The following BAZ2B variants were observed in gnomAD, a reference collection of about 807,000 sequenced individuals.
BAZ2B encodes bromodomain adjacent to zinc finger domain 2B.
BAZ2B carries 91 observed loss-of-function variants against 246.0 expected under a neutral mutation model. That is an observed-to-expected ratio of 0.37 (90% CI 0.31 to 0.44). BAZ2B has a LOEUF of 0.44. BAZ2B is among the 20% of genes least tolerant of loss of function. The probability of loss-of-function intolerance (pLI) is 1.00; values close to 1 mark genes in which losing one functional copy is unlikely to be tolerated. For synonymous variants in BAZ2B, 855 were observed against 860.0 expected, an observed-to-expected ratio of 0.99 and a Z score of 0.10; for missense variants, 2,332 against 2,533.7, an observed-to-expected ratio of 0.92 and a Z score of 1.71.
chr2:159,400,767 G>A (rs531178163), intron 16 of BAZ2B, 103 bp from the exon 17 acceptor site: 29 of 666,964 alleles, frequency 4.3e-5, no homozygotes, highest in South Asian at 1.8e-4. Flanking sequence ...CAGGTCAGGC[G>A]CAGTGGCTCA....
chr2:159,466,643 CTAATT>C (rs1249016272), intron 3 of BAZ2B, among the ~76,000 whole-genome samples: 1 of 152,100 alleles, frequency 6.6e-6, no homozygotes. Context: ...ACAGGATACA[CTAATT>C]TATTATATAT....
chr2:159,635,929 T>G, the BAZ2B span, among the ~76,000 whole-genome samples: 4 of 152,088 alleles, frequency 2.6e-5, no homozygotes, highest in Non-Finnish European at 4.4e-5. Flanking sequence ...TGGTAGCACA[T>G]GCCTGCAGTC....
intron 3 of BAZ2B, chr2:159,462,815 G>GT: frequency 6.6e-7 from 1 of 1,507,564 alleles, no homozygotes; most frequent in Non-Finnish European, 9.2e-7. Flanking sequence ...CCCATCGATA[G>GT]TTTTTAGCAT....
At chr2:159,417,288 A>G (rs1361868158) in intron 13 of BAZ2B, among the ~76,000 whole-genome samples, 2 of 151,180 alleles carry the variant, frequency 1.3e-5, no homozygotes, top group African/African-American at 4.9e-5. Flanking sequence ...CTCCTGCCTC[A>G]GCCTCCCAAG....
chr2:159,347,128 G>A (rs187501502), intron 31 of BAZ2B, among the ~76,000 whole-genome samples: 13 of 152,260 alleles, frequency 8.5e-5, no homozygotes, highest in Admixed American at 3.3e-4. Flanking sequence ...ATTTGTACTA[G>A]ATCATCACAT....
intron 16 of BAZ2B, among the ~76,000 whole-genome samples, chr2:159,401,632 T>C (rs1289879730): frequency 1.3e-5 from 2 of 152,184 alleles, no homozygotes; most frequent in Non-Finnish European, 2.9e-5. Context: ...TTCCAGGGAA[T>C]TATCTGTAGG....
chr2:159,576,912 CAAA>C (rs34337483), intron 1 of BAZ2B, among the ~76,000 whole-genome samples: 3 of 51,152 alleles, frequency 5.9e-5, no homozygotes, highest in East Asian at 5.4e-4. Flanking sequence ...GACTGTGTCT[CAAA>C]AAAAAAAAAA....
chr2:159,659,127 T>C, the BAZ2B span, among the ~76,000 whole-genome samples: 9 of 152,324 alleles, frequency 5.9e-5, no homozygotes, highest in South Asian at 8.3e-4. Context: ...AGAGAATTTG[T>C]ATAATTTCTT....
At chr2:159,463,003 T>A in intron 3 of BAZ2B, 1 of 785,102 alleles carries the variant, frequency 1.3e-6, no homozygotes, top group Non-Finnish European at 2.3e-6. Flanking sequence ...AAAACTCTGC[T>A]ATTACCCAGG....
intron 1 of BAZ2B, among the ~76,000 whole-genome samples, chr2:159,580,650 A>C (rs528491629): frequency 6.6e-6 from 1 of 152,310 alleles, no homozygotes; most frequent in Non-Finnish European, 1.5e-5. Flanking sequence ...GCATCACACT[A>C]TCTGACTTCA....
chr2:159,647,857 T>G, the BAZ2B span, among the ~76,000 whole-genome samples: 1 of 152,200 alleles, frequency 6.6e-6, no homozygotes, highest in Non-Finnish European at 1.5e-5. Flanking sequence ...TATGCAATTA[T>G]TCATAATAAA....
At chr2:159,640,912 T>A in the BAZ2B span, among the ~76,000 whole-genome samples, 1 of 146,306 alleles carries the variant, frequency 6.8e-6, no homozygotes, top group Non-Finnish European at 1.5e-5. Flanking sequence ...AAGAAATAAA[T>A]GAAATAGAAA....
At chr2:159,558,906 C>T (rs1189002255) in intron 1 of BAZ2B, among the ~76,000 whole-genome samples, 1 of 152,132 alleles carries the variant, frequency 6.6e-6, no homozygotes, top group Admixed American at 6.5e-5. Flanking sequence ...TCTCTCTAAA[C>T]TAACCTTCTC....
the BAZ2B span, among the ~76,000 whole-genome samples, chr2:159,626,090 A>T: frequency 0.54 from 82,448 of 151,662 alleles, 23,280 homozygotes; most frequent in East Asian, 0.74. Context: ...GAAGGCCATT[A>T]CATAATAGTA....
At chr2:159,361,101 G>A (rs1028077044) in intron 27 of BAZ2B, among the ~76,000 whole-genome samples, 1 of 152,126 alleles carries the variant, frequency 6.6e-6, no homozygotes, top group Non-Finnish European at 1.5e-5. Context: ...ATTGACAAAT[G>A]GGATCTAATT....
At position 159,438,435 on chromosome 2, in the gene BAZ2B, T is replaced by C; in HGVS notation, c.1161A>G (p.Leu387=). Residue 387 remains leucine, a synonymous_variant, in exon 8 of 37, where the codon TTA becomes TTG. Coordinates refer to ENST00000392783, the MANE Select transcript of BAZ2B (RefSeq NM_013450.4). ...STGLVSNVKP[L]SLVNQAKKET... ...CCTTTTTGGCTTGATTTACCAAAGATAAAGGTTTCACATTGGACACCAATC... is the reference window on the plus strand; with the variant it reads ...CCTTTTTGGCTTGATTTACCAAAGACAAAGGTTTCACATTGGACACCAATC... The C allele has an allele frequency of 6.2e-7, 1 of 1,614,202 alleles. No individual in the cohort carries two copies. The highest frequency in any genetic ancestry group is 1.1e-5 in the South Asian group (1 of 91,086).
intron 1 of BAZ2B, among the ~76,000 whole-genome samples, chr2:159,587,125 C>CA (rs1688199495): frequency 6.6e-6 from 1 of 151,488 alleles, no homozygotes; most frequent in Admixed American, 6.6e-5. Context: ...GTAGCCCAGG[C>CA]TGGAGTGCAG....
intron 27 of BAZ2B, among the ~76,000 whole-genome samples, chr2:159,356,615 G>T (rs193106782): frequency 9.2e-5 from 14 of 152,314 alleles, no homozygotes; most frequent in Middle Eastern, 3.4e-3. Context: ...CAGCACAGTA[G>T]TCAAGCTCTG....
intron 14 of BAZ2B, among the ~76,000 whole-genome samples, chr2:159,407,567 C>T (rs1018344880): frequency 1.3e-5 from 2 of 152,160 alleles, no homozygotes; most frequent in Admixed American, 1.3e-4. Context: ...TAGCTAAGAA[C>T]GTAACCATAT....
Sources: allele counts gnomAD v4.1 joint callset (sites outside exome capture counted in the v4.1 genomes callset), GRCh38; gene constraint gnomAD v4.1.1; transcripts MANE v1.5; gene names NCBI Gene and HGNC (gene_info 2026-07-23, HGNC 2026-07-21).